The following YPEL1 variants were observed in gnomAD, a reference collection of about 807,000 sequenced individuals.
The protein encoded by YPEL1 is protein yippee-like 1.
In YPEL1, 7 loss-of-function variants were observed where a neutral mutation model predicts 17.3. The ratio of observed to expected loss-of-function variants is 0.40; its 90% CI spans 0.23 to 0.76. The LOEUF is 0.76. Among genes scored for constraint, YPEL1 ranks in the 30% least tolerant of loss-of-function variants. YPEL1 has a pLI of 0.35. For synonymous variants in YPEL1, 59 were observed against 59.6 expected (o/e 0.99, Z 0.05); for missense variants, 91 against 155.5 (o/e 0.59, Z 2.21).
At chr22:21,731,625 C>T (rs1218341735) in intron 1 of YPEL1, among the ~76,000 whole-genome samples, 1 of 151,216 alleles carries the variant, frequency 6.6e-6, no homozygotes, top group African/African-American at 2.4e-5. Flanking sequence ...TATGCCAATG[C>T]TGCTGAGAAG....
intron 1 of YPEL1, among the ~76,000 whole-genome samples, chr22:21,724,874 C>T (rs7292106): frequency 0.046 from 7,022 of 151,806 alleles, 335 homozygotes; most frequent in African/African-American, 0.12. Context: ...ACCATTGCAC[C>T]AGCCTAAGAA....
intron 1 of YPEL1, among the ~76,000 whole-genome samples, chr22:21,726,995 T>C (rs979775364): frequency 1.3e-5 from 2 of 152,222 alleles, no homozygotes; most frequent in Non-Finnish European, 2.9e-5. Context: ...ACAGGCTTGC[T>C]GTTTCCCAAG....
In YPEL1 at chr22:21,700,834, G is replaced by A; in HGVS notation, c.*295C>T. 3.7e-6 allele frequency: 1 copy of A among 269,854 alleles called. No individual in the cohort carries two copies. The highest frequency in any genetic ancestry group is 7.7e-5 in the South Asian group (1 of 12,908). 16.7% of individuals were successfully genotyped at this position (269,854 alleles called of 1,614,324 possible). Reference sequence around the variant, plus strand: ...GAGCCCAACTATATTGAAGACAAAGGTGAAAGGAAGATATTAACTAGGCAG... The same window carrying A: ...GAGCCCAACTATATTGAAGACAAAGATGAAAGGAAGATATTAACTAGGCAG... On this transcript the variant is annotated 3_prime_UTR_variant, in exon 5 of 5. Transcript: ENST00000339468.
In YPEL1 at chr22:21,698,492, TCC is replaced by T. The variant is rs2068023490; in HGVS notation, c.*2635_*2636del. On this transcript the variant is annotated 3_prime_UTR_variant, in exon 5 of 5. Transcript: ENST00000339468. ...TCTTGAGTCACTCAGGACTTGGCTG[TCC>T]TCGCACCCGTGGCAGGCTGGGGACG... 1.3e-5 allele frequency: 2 copies of T among 152,326 alleles called. No homozygotes were observed. Among genetic ancestry groups the T allele is most frequent in the Non-Finnish European group, 2.9e-5 (2 of 68,038 alleles). The allele number at this position is 152,326 out of a possible 1,614,324, so 9.4% of individuals were successfully genotyped here. A position where few individuals can be genotyped will look rare whatever the true frequency, so the allele number is the denominator to read the frequency against.
intron 1 of YPEL1, among the ~76,000 whole-genome samples, chr22:21,717,739 G>A (rs1220716764): frequency 6.6e-6 from 1 of 152,128 alleles, no homozygotes; most frequent in Non-Finnish European, 1.5e-5. Context: ...GGTAAAACAA[G>A]AGCCCAAAAG....
chr22:21,722,592 A>C (rs2068294252), intron 1 of YPEL1, among the ~76,000 whole-genome samples: 2 of 150,880 alleles, frequency 1.3e-5, no homozygotes, highest in Non-Finnish European at 3.0e-5. Context: ...ATTCCAGCCT[A>C]GGCAACAGAG....
chr22:21,701,240 G>A, intron 4 of YPEL1, 22 bp from the exon 5 acceptor site: 1 of 1,591,258 alleles, frequency 6.3e-7, no homozygotes, highest in Non-Finnish European at 8.6e-7. Context: ...AGAGACAAAG[G>A]TTTCAGGACA....
At chr22:21,728,829 G>A (rs2068360520) in intron 1 of YPEL1, among the ~76,000 whole-genome samples, 1 of 152,092 alleles carries the variant, frequency 6.6e-6, no homozygotes, top group South Asian at 2.1e-4. Context: ...GGGCAACATG[G>A]TGAAACCCCG....
chr22:21,702,927 AT>A (rs2068079656), intron 4 of YPEL1, among the ~76,000 whole-genome samples: 8 of 152,006 alleles, frequency 5.3e-5, no homozygotes, highest in Admixed American at 5.2e-4. Flanking sequence ...AGAAAGAGGG[AT>A]TTGGGGTAAA....
chr22:21,698,241 AG>A lies in YPEL1; in HGVS notation c.*2887del. 1 of 145,968 alleles carries A rather than the reference AG, an allele frequency of 6.9e-6. No individual in the cohort carries two copies. Among genetic ancestry groups the A allele is most frequent in the East Asian group, 1.9e-4 (1 of 5,264 alleles). 9.0% of individuals were successfully genotyped at this position (145,968 alleles called of 1,614,324 possible). A position where few individuals can be genotyped will look rare whatever the true frequency, so the allele number is the denominator to read the frequency against. On this transcript the variant is annotated 3_prime_UTR_variant, in exon 5 of 5. Transcript: ENST00000339468. ...AGCCCAACAAAAAAAAAGTGATAAA[AG>A]TGTTGTTGGTATAAATTACAAAAAA...
chr22:21,725,768 G>A (rs1440898863), intron 1 of YPEL1, among the ~76,000 whole-genome samples: 1 of 151,456 alleles, frequency 6.6e-6, no homozygotes, highest in Admixed American at 6.6e-5. Context: ...CAGGGCAGGA[G>A]GATCACTTGA....
chr22:21,711,582 T>A (rs2068166802), intron 1 of YPEL1, among the ~76,000 whole-genome samples: 1 of 152,156 alleles, frequency 6.6e-6, no homozygotes, highest in African/African-American at 2.4e-5. Flanking sequence ...TTATGTATGG[T>A]CACATGATCT....
At chr22:21,721,130 G>T (rs9607207) in intron 1 of YPEL1, among the ~76,000 whole-genome samples, 3 of 150,750 alleles carry the variant, frequency 2.0e-5, no homozygotes, top group East Asian at 2.0e-4. Context: ...GGTTTTTTGG[G>T]GGGGGGAGGG....
intron 1 of YPEL1, among the ~76,000 whole-genome samples, chr22:21,718,506 C>A (rs2068250328): frequency 6.6e-6 from 1 of 151,548 alleles, no homozygotes; most frequent in Admixed American, 6.6e-5. Flanking sequence ...AGAAAAAAGA[C>A]TGGCATAAGA....
intron 1 of YPEL1, among the ~76,000 whole-genome samples, chr22:21,718,620 G>A (rs1193680721): frequency 2.0e-5 from 3 of 152,136 alleles, no homozygotes; most frequent in African/African-American, 7.2e-5. Flanking sequence ...ACAGTTCCCA[G>A]GGGAATACTG....
intron 1 of YPEL1, among the ~76,000 whole-genome samples, chr22:21,732,686 A>G (rs1350546863): frequency 6.6e-6 from 1 of 150,848 alleles, no homozygotes; most frequent in Non-Finnish European, 1.5e-5. Context: ...GGAGGCTGAG[A>G]CAGGAGAATC....
intron 1 of YPEL1, among the ~76,000 whole-genome samples, chr22:21,724,118 C>T (rs2068310023): frequency 6.6e-6 from 1 of 152,208 alleles, no homozygotes. Context: ...GCCCCAGTCC[C>T]ACTCCAGGGA....
intron 1 of YPEL1, among the ~76,000 whole-genome samples, chr22:21,732,801 A>C (rs908979040): frequency 2.0e-5 from 3 of 151,702 alleles, no homozygotes; most frequent in Non-Finnish European, 4.4e-5. Context: ...ACAACAACAA[A>C]AACAAACAAA....
chr22:21,703,804 G>A lies in YPEL1; in HGVS notation c.161+35C>T, dbSNP rs747052668. The stretch of plus-strand genomic sequence containing the variant: ...TGCCATCCAGGCCGTCCCAGGGCCC[G>A]TGCCGCTCCCCCCGGGCTGAACCAG... On this transcript the variant is annotated intron_variant, in intron 3 of 4. Coordinates refer to ENST00000339468, the MANE Select transcript of YPEL1 (RefSeq NM_013313.5). The surrounding 1 kb of genome is among the most constrained non-coding windows in gnomAD (Gnocchi z 6.1). 8.0e-5 allele frequency: 128 copies of A among 1,604,350 alleles called. No individual in the cohort carries two copies. The highest frequency in any genetic ancestry group is 1.7e-4 in the Middle Eastern group (1 of 6,042).
Sources: allele counts gnomAD v4.1 joint callset (sites outside exome capture counted in the v4.1 genomes callset), GRCh38; gene constraint gnomAD v4.1.1; non-coding constraint Gnocchi (gnomAD v3.1); transcripts MANE v1.5; gene names NCBI Gene and HGNC (gene_info 2026-07-23, HGNC 2026-07-21).